The following FRMD3 variants were observed in gnomAD, a reference collection of about 807,000 sequenced individuals.
FRMD3 encodes FERM domain containing 3, also known as FERM domain-containing protein 3.
Under a neutral mutation model 70.2 loss-of-function variants are expected in FRMD3, and 33 were observed. The observed-to-expected ratio is 0.47, with a 90% CI of 0.36 to 0.63. The LOEUF is 0.63. Ranked by LOEUF, FRMD3 falls within the 20% of genes least tolerant of loss-of-function variation. The probability of loss-of-function intolerance (pLI) is 0.00; values close to 1 mark genes in which losing one functional copy is unlikely to be tolerated. For missense variants in FRMD3, 632 were observed against 711.4 expected, an observed-to-expected ratio of 0.89 and a Z score of 1.27; for synonymous variants, 279 against 255.9, an observed-to-expected ratio of 1.09 and a Z score of -0.86.
chr9:83,569,752 A>G, the FRMD3 span, among the ~76,000 whole-genome samples: 1 of 152,242 alleles, frequency 6.6e-6, no homozygotes, highest in Non-Finnish European at 1.5e-5. Flanking sequence ...TACAATTTTA[A>G]TATGGGTATT....
At chr9:83,469,386 GA>G (rs1828210963) in intron 1 of FRMD3, among the ~76,000 whole-genome samples, 1 of 152,202 alleles carries the variant, frequency 6.6e-6, no homozygotes, top group Admixed American at 6.5e-5. Flanking sequence ...ATGCTTCGTA[GA>G]CAATCATTAG....
downstream of FRMD3, chr9:83,243,216 C>G (rs1326367471): frequency 5.2e-6 from 8 of 1,550,356 alleles, no homozygotes; most frequent in Non-Finnish European, 7.0e-6. Context: ...TGCATGGAGA[C>G]TGGAAGCCCA....
Position 83,310,474 on chromosome 9 carries a change from C to T in FRMD3, c.837+11G>A, listed in dbSNP as rs1267716045. On this transcript the variant is annotated intron_variant, in intron 9 of 13. Coordinates refer to ENST00000304195, the MANE Select transcript of FRMD3 (RefSeq NM_174938.6). ...ACAATAACAGGCAGTTAAAAAAAAGCAGTATCTGACCTCCTTCTGGGTGCC... is the reference window on the plus strand; with the variant it reads ...ACAATAACAGGCAGTTAAAAAAAAGTAGTATCTGACCTCCTTCTGGGTGCC... 3.1e-6 allele frequency: 5 copies of T among 1,600,960 alleles called. No homozygotes were observed. The highest frequency in any genetic ancestry group is 2.3e-5 in the South Asian group (2 of 88,742).
At chr9:83,451,696 C>T (rs886153885) in intron 1 of FRMD3, among the ~76,000 whole-genome samples, 1 of 152,070 alleles carries the variant, frequency 6.6e-6, no homozygotes, top group Non-Finnish European at 1.5e-5. Context: ...AGAGTGTTAT[C>T]CCCTCACTCA....
At chr9:83,514,304 T>C (rs1829405834) in intron 1 of FRMD3, among the ~76,000 whole-genome samples, 1 of 152,136 alleles carries the variant, frequency 6.6e-6, no homozygotes, top group Non-Finnish European at 1.5e-5. Context: ...TACTGAGGCT[T>C]GACTAGGCGG....
chr9:83,286,925 T>C (rs1443795259), intron 13 of FRMD3, among the ~76,000 whole-genome samples: 1 of 152,208 alleles, frequency 6.6e-6, no homozygotes, highest in Non-Finnish European at 1.5e-5. Context: ...TTCCTGGGTC[T>C]CTATAGTCTC....
intron 13 of FRMD3, among the ~76,000 whole-genome samples, chr9:83,283,546 A>AAATAAT (rs141284669): frequency 3.5e-4 from 9 of 25,926 alleles, no homozygotes; most frequent in African/African-American, 4.6e-4. Flanking sequence ...AAAAAAAAAA[A>AAATAAT]AATAATAATA....
chr9:83,254,596 C>T (rs34975489), intron 13 of FRMD3, among the ~76,000 whole-genome samples: 12,334 of 150,966 alleles, frequency 0.082, 954 homozygotes, highest in East Asian at 0.43. Flanking sequence ...TGAATCTAGA[C>T]GCTGAATTTT....
rs1049582505 is a variant in FRMD3 at position 83,402,116 on chromosome 9, G to T, written c.148-12408C>A. 1.2e-4 allele frequency among the ~76,000 whole-genome samples: 18 copies of T among 151,420 alleles called. 1 individual carries two copies. Among genetic ancestry groups the T allele is most frequent in the Non-Finnish European group, 1.5e-5 (1 of 67,940 alleles). On this transcript the variant is annotated intron_variant, in intron 1 of 13. Coordinates refer to ENST00000304195, the MANE Select transcript of FRMD3 (RefSeq NM_174938.6). ...CATGGTCTAATTGGAATTGCTTGTG[G>T]CTCATATTTTTTAAATGATTTGTGA...
chr9:83,497,910 G>A (rs1284666153), intron 1 of FRMD3, among the ~76,000 whole-genome samples: 1 of 152,218 alleles, frequency 6.6e-6, no homozygotes, highest in South Asian at 2.1e-4. Context: ...CACTTTGGGA[G>A]GCCAAGGCTG....
chr9:83,318,595 T>C (rs778822324), intron 6 of FRMD3, among the ~76,000 whole-genome samples: 14 of 152,156 alleles, frequency 9.2e-5, no homozygotes, highest in Non-Finnish European at 1.3e-4. Context: ...GTAATAAACA[T>C]ATGAGTGCCG....
At chr9:83,279,962 T>G (rs1833919368) in intron 13 of FRMD3, among the ~76,000 whole-genome samples, 1 of 152,086 alleles carries the variant, frequency 6.6e-6, no homozygotes, top group African/African-American at 2.4e-5. Flanking sequence ...AACTTAAAAT[T>G]TTCTAAAAAA....
chr9:83,581,964 C>T, the FRMD3 span, among the ~76,000 whole-genome samples: 2 of 152,092 alleles, frequency 1.3e-5, no homozygotes, highest in African/African-American at 2.4e-5. Context: ...TTGATGGCAG[C>T]GATGCTTGCG....
chr9:83,244,550 G>T, downstream of FRMD3: 2 of 387,026 alleles, frequency 5.2e-6, no homozygotes, highest in Non-Finnish European at 7.1e-6. Flanking sequence ...GTCCTAGAGG[G>T]AATCCTTTTA....
chr9:83,493,964 A>C (rs953441518), intron 1 of FRMD3, among the ~76,000 whole-genome samples: 2 of 152,230 alleles, frequency 1.3e-5, no homozygotes, highest in Admixed American at 1.3e-4. Context: ...ACAGCTGCAT[A>C]GATCTCATGC....
At chr9:83,326,930 C>A (rs1214179601) in intron 6 of FRMD3, among the ~76,000 whole-genome samples, 1 of 152,150 alleles carries the variant, frequency 6.6e-6, no homozygotes, top group Admixed American at 6.5e-5. Context: ...TACTTTTAGA[C>A]AAAAAGGAAC....
intron 12 of FRMD3, among the ~76,000 whole-genome samples, chr9:83,295,527 C>CTTTAT (rs146599350): frequency 0.48 from 72,360 of 151,916 alleles, 19,731 homozygotes; most frequent in South Asian, 0.7. Context: ...TTTTAAAGCA[C>CTTTAT]TTTAATACTC....
At chr9:83,548,793 G>T in the FRMD3 span, among the ~76,000 whole-genome samples, 1 of 152,048 alleles carries the variant, frequency 6.6e-6, no homozygotes, top group African/African-American at 2.4e-5. Flanking sequence ...ACTAATGCAA[G>T]GTGTTAAAAT....
chr9:83,584,415 A>C, the FRMD3 span, among the ~76,000 whole-genome samples: 2 of 152,038 alleles, frequency 1.3e-5, no homozygotes, highest in Non-Finnish European at 2.9e-5. Context: ...CTCATTCAGG[A>C]GCATTTTAAC....
Sources: gnomAD v4.1 joint callset for allele counts (sites outside exome capture counted in the v4.1 genomes callset) on GRCh38, gnomAD v4.1.1 for gene constraint, MANE v1.5 for transcripts, NCBI Gene and HGNC (gene_info 2026-07-23, HGNC 2026-07-21) for gene names.